CDH12: variants seen among roughly 807,000 people sequenced by gnomAD.
The protein encoded by CDH12 is cadherin-12.
In CDH12, 41 loss-of-function variants were observed where a neutral mutation model predicts 74.1. The ratio of observed to expected loss-of-function variants is 0.55; its 90% CI spans 0.43 to 0.72. The LOEUF (loss-of-function observed/expected upper bound fraction) is 0.72. CDH12 is among the 30% of genes least tolerant of loss of function. CDH12 has a pLI of 0.00. For missense variants in CDH12, 945 were observed against 977.2 expected, an observed-to-expected ratio of 0.97 and a Z score of 0.44; for synonymous variants, 399 against 355.0, an observed-to-expected ratio of 1.12 and a Z score of -1.39.
At chr5:22,544,973 CA>C (rs34698713) in intron 1 of CDH12, among the ~76,000 whole-genome samples, 19,892 of 149,846 alleles carry the variant, frequency 0.13, 2,100 homozygotes, top group East Asian at 0.37. Flanking sequence ...TGAGATGTGG[CA>C]AAAAAAAAGA....
chr5:22,518,480 C>T lies in CDH12; in HGVS notation c.-522-13116G>A, dbSNP rs140249858. 2.7e-3 allele frequency among the ~76,000 whole-genome samples: 412 copies of T among 152,220 alleles called. 1 individual carries two copies. Among genetic ancestry groups the T allele is most frequent in the African/African-American group, 9.3e-3 (387 of 41,530 alleles). ...GTGGCTCTCTCAAAGCTTGGATCTG[C>T]GCTTTGATAATGATAACCACAAATG... On this transcript the variant is annotated intron_variant, in intron 1 of 14. Coordinates refer to ENST00000382254, the MANE Select transcript of CDH12 (RefSeq NM_004061.5).
intron 4 of CDH12, chr5:22,152,449 T>C (rs1428797724): frequency 6.6e-6 from 1 of 152,182 alleles, no homozygotes; most frequent in African/African-American, 2.4e-5. Context: ...GAAATTCATA[T>C]TCACCTTTCT....
At chr5:22,444,415 C>G (rs1490414544) in intron 2 of CDH12, among the ~76,000 whole-genome samples, 2 of 152,064 alleles carry the variant, frequency 1.3e-5, no homozygotes, top group African/African-American at 4.8e-5. Context: ...ATATTTATTA[C>G]CTTCATCAAA....
At chr5:22,630,472 G>C (rs528914337) in intron 1 of CDH12, among the ~76,000 whole-genome samples, 1 of 152,200 alleles carries the variant, frequency 6.6e-6, no homozygotes, top group South Asian at 2.1e-4. Flanking sequence ...ACTGAATAGA[G>C]AACTAATAAA....
At chr5:22,207,237 A>C (rs907820060) in intron 4 of CDH12, among the ~76,000 whole-genome samples, 1 of 151,892 alleles carries the variant, frequency 6.6e-6, no homozygotes, top group Non-Finnish European at 1.5e-5. Context: ...AAAAGAAAAA[A>C]AAAAGAAAAA....
chr5:22,553,494 T>C (rs760370395), intron 1 of CDH12, among the ~76,000 whole-genome samples: 1 of 152,050 alleles, frequency 6.6e-6, no homozygotes, highest in African/African-American at 2.4e-5. Flanking sequence ...ACATTGGGAA[T>C]TTGAAATTAA....
At chr5:22,529,180 TATATATATAGAGAGAGAGAG>T (rs761389538) in intron 1 of CDH12, among the ~76,000 whole-genome samples, 9 of 86,458 alleles carry the variant, frequency 1.0e-4, no homozygotes, top group African/African-American at 2.5e-4. Context: ...TATATATATA[TATATATATAGAGAGAGAGAG>T]AGAGAGAGAG....
intron 6 of CDH12, among the ~76,000 whole-genome samples, chr5:21,918,216 A>G (rs1754189530): frequency 6.6e-6 from 1 of 152,154 alleles, no homozygotes; most frequent in African/African-American, 2.4e-5. Flanking sequence ...TTACTTTATT[A>G]TTAATCACAG....
At chr5:22,169,265 A>T (rs1411342568) in intron 4 of CDH12, among the ~76,000 whole-genome samples, 1 of 151,492 alleles carries the variant, frequency 6.6e-6, no homozygotes, top group African/African-American at 2.4e-5. Context: ...CAGAATTTAC[A>T]CTTTATAAGT....
At chr5:22,159,967 G>C (rs1400980398) in intron 4 of CDH12, among the ~76,000 whole-genome samples, 3 of 152,122 alleles carry the variant, frequency 2.0e-5, no homozygotes, top group Non-Finnish European at 2.9e-5. Context: ...GATTCTTTAA[G>C]GTAATGTTAG....
In CDH12 at chr5:21,762,758, A is replaced by G. The variant is rs367772335; in HGVS notation, c.1516-2083T>C. On this transcript the variant is annotated intron_variant, in intron 12 of 14. Coordinates refer to ENST00000382254, the MANE Select transcript of CDH12 (RefSeq NM_004061.5). Reference sequence around the variant, plus strand: ...AAATCCTTTAATTTATTGGACAAACATAAAACATTAAATGGAGCTCTATTC... The same window carrying G: ...AAATCCTTTAATTTATTGGACAAACGTAAAACATTAAATGGAGCTCTATTC... 7.4e-4 allele frequency among the ~76,000 whole-genome samples: 113 copies of G among 152,274 alleles called. 4 individuals are homozygous for G. The South Asian group carries it at 0.022, about 30-fold the overall frequency.
At chr5:22,596,649 C>T (rs1215059020) in intron 1 of CDH12, among the ~76,000 whole-genome samples, 5 of 152,276 alleles carry the variant, frequency 3.3e-5, no homozygotes, top group South Asian at 2.1e-4. Flanking sequence ...CATTGCCTCA[C>T]TGACTTTTTC....
At chr5:22,292,276 T>C (rs554213055) in intron 3 of CDH12, among the ~76,000 whole-genome samples, 6 of 151,566 alleles carry the variant, frequency 4.0e-5, no homozygotes, top group African/African-American at 1.5e-4. Flanking sequence ...GTAACCTCTA[T>C]GACAATGACA....
chr5:22,523,587 T>A (rs562504668), intron 1 of CDH12, among the ~76,000 whole-genome samples: 1 of 152,212 alleles, frequency 6.6e-6, no homozygotes, highest in East Asian at 1.9e-4. Context: ...TCCTTTTTCT[T>A]ATCTTATTGC....
intron 5 of CDH12, among the ~76,000 whole-genome samples, chr5:22,028,181 T>C (rs925889491): frequency 1.3e-5 from 2 of 152,158 alleles, no homozygotes; most frequent in Non-Finnish European, 2.9e-5. Context: ...ACTGGAAGCA[T>C]TCCCTTTGAG....
At chr5:21,990,351 C>A (rs1438341771) in intron 5 of CDH12, among the ~76,000 whole-genome samples, 7 of 152,026 alleles carry the variant, frequency 4.6e-5, no homozygotes, top group African/African-American at 7.2e-5. Flanking sequence ...AATCCATGAT[C>A]CTGAGTATCA....
intron 1 of CDH12, among the ~76,000 whole-genome samples, chr5:22,759,113 T>G (rs1373927128): frequency 5.3e-5 from 8 of 151,958 alleles, no homozygotes; most frequent in African/African-American, 1.5e-4. Context: ...GTCATAAAGT[T>G]AAAACTGGAA....
chr5:22,006,530 T>C (rs1736969389), intron 5 of CDH12, among the ~76,000 whole-genome samples: 1 of 152,082 alleles, frequency 6.6e-6, no homozygotes, highest in Non-Finnish European at 1.5e-5. Flanking sequence ...AGAAATTATA[T>C]AATAGTAAAC....
rs142828010 is a variant in CDH12 at position 22,092,295 on chromosome 5, G to A, written c.-186-13433C>T. On this transcript the variant is annotated intron_variant, in intron 4 of 14. Transcript: ENST00000382254. ...ACTTTAGGAAAATTAGCAATTTCTT[G>A]CTTCAAAGAATACAGATATGGAAGT... 2.5e-3 allele frequency among the ~76,000 whole-genome samples: 382 copies of A among 152,118 alleles called. 5 individuals are homozygous for A. Among genetic ancestry groups the A allele is most frequent in the African/African-American group, 8.6e-3 (358 of 41,536 alleles).
Sources: allele counts gnomAD v4.1 joint callset (sites outside exome capture counted in the v4.1 genomes callset), GRCh38; gene constraint gnomAD v4.1.1; transcripts MANE v1.5; gene names NCBI Gene and HGNC (gene_info 2026-07-23, HGNC 2026-07-21).